The following CDH4 variants were observed in gnomAD, a reference collection of about 807,000 sequenced individuals.
The protein encoded by CDH4 is cadherin-4.
A neutral mutation model predicts 86.0 loss-of-function variants in CDH4; 33 were observed. The ratio of observed to expected loss-of-function variants is 0.38; its 90% CI spans 0.29 to 0.51. The LOEUF (loss-of-function observed/expected upper bound fraction) is 0.51, where lower values mean the gene tolerates loss of function less well. Ranked by LOEUF, CDH4 falls within the 20% of genes least tolerant of loss-of-function variation. The probability of loss-of-function intolerance (pLI) is 0.86; values close to 1 mark genes in which losing one functional copy is unlikely to be tolerated. For missense variants in CDH4, 1,114 were observed against 1,307.4 expected, an observed-to-expected ratio of 0.85 and a Z score of 2.28; for synonymous variants, 555 against 549.4, an observed-to-expected ratio of 1.01 and a Z score of -0.14.
At chr20:61,507,029 G>C (rs1279374220) in intron 2 of CDH4, among the ~76,000 whole-genome samples, 2 of 152,224 alleles carry the variant, frequency 1.3e-5, no homozygotes, top group Admixed American at 6.5e-5. Flanking sequence ...CAACAGTGCA[G>C]CTTCAGTGAA....
In CDH4 at chr20:61,507,981, G is replaced by A. The variant is rs538534804; in HGVS notation, c.170-235582G>A. The stretch of plus-strand genomic sequence containing the variant: ...TTAAAACGCCCATGACCCCACCGCC[G>A]GGAAGACGTCGCTGTCAGGATGGGG... On this transcript the variant is annotated intron_variant, in intron 2 of 15. Coordinates refer to ENST00000614565, the MANE Select transcript of CDH4 (RefSeq NM_001794.5). Among the ~76,000 whole-genome samples the A allele has an allele frequency of 5.3e-5, 8 of 152,324 alleles. No individual in the cohort carries two copies. The South Asian group carries it at 1.0e-3, about 20-fold the overall frequency.
chr20:61,812,113 C>T (rs1980471807), intron 4 of CDH4, among the ~76,000 whole-genome samples: 1 of 151,914 alleles, frequency 6.6e-6, no homozygotes, highest in African/African-American at 2.4e-5. Flanking sequence ...CATCTGCTTC[C>T]AAGGGTGGCT....
intron 6 of CDH4, among the ~76,000 whole-genome samples, chr20:61,864,738 A>AT (rs1983472392): frequency 2.6e-5 from 4 of 152,170 alleles, no homozygotes; most frequent in Non-Finnish European, 5.9e-5. Flanking sequence ...GCAGACCCTT[A>AT]TGAGACAAAC....
At position 61,404,926 on chromosome 20, in the gene CDH4, T is replaced by C. The variant is rs894256695; in HGVS notation, c.169+149989T>C. Among the ~76,000 whole-genome samples, 3 of 152,138 alleles carry C rather than the reference T, an allele frequency of 2.0e-5. No individual in the cohort carries two copies. The East Asian group carries it at 5.8e-4, about 29-fold the overall frequency. ...TTAGCTGGGCATGGTGGCACGTGCC[T>C]GTAGTCCCAGCTATTCACGAGGCTG... On this transcript the variant is annotated intron_variant, in intron 2 of 15. Coordinates refer to ENST00000614565, the MANE Select transcript of CDH4 (RefSeq NM_001794.5).
At chr20:61,892,338 T>C (rs1284966967) in intron 7 of CDH4, among the ~76,000 whole-genome samples, 1 of 152,204 alleles carries the variant, frequency 6.6e-6, no homozygotes, top group Admixed American at 6.5e-5. Flanking sequence ...GCACCTACTC[T>C]GTGTTGGGCC....
At chr20:61,871,970 C>T (rs1983822604) in intron 6 of CDH4, among the ~76,000 whole-genome samples, 1 of 152,196 alleles carries the variant, frequency 6.6e-6, no homozygotes. Flanking sequence ...CTGGGCTTGT[C>T]CTGCCTGGGT....
At chr20:61,863,155 T>A (rs1382945313) in intron 6 of CDH4, among the ~76,000 whole-genome samples, 1 of 152,230 alleles carries the variant, frequency 6.6e-6, no homozygotes. Context: ...ATGGCAGCGT[T>A]GGTACATGAA....
chr20:61,260,609 T>G (rs2082220210), intron 2 of CDH4, among the ~76,000 whole-genome samples: 1 of 152,168 alleles, frequency 6.6e-6, no homozygotes, highest in South Asian at 2.1e-4. Flanking sequence ...GCCCAGACTT[T>G]CTTGCTGTCA....
intron 6 of CDH4, among the ~76,000 whole-genome samples, chr20:61,871,369 C>T (rs1285604636): frequency 6.6e-6 from 1 of 152,154 alleles, no homozygotes; most frequent in Non-Finnish European, 1.5e-5. Flanking sequence ...CTCATTGCCA[C>T]ATTGAAAGTT....
chr20:61,454,550 A>G (rs928509805), intron 2 of CDH4, among the ~76,000 whole-genome samples: 1 of 152,194 alleles, frequency 6.6e-6, no homozygotes, highest in Non-Finnish European at 1.5e-5. Context: ...GGTTCACGCC[A>G]TTCTCCTGCC....
At chr20:61,594,907 T>TGTG (rs1490518014) in intron 2 of CDH4, among the ~76,000 whole-genome samples, 26 of 152,230 alleles carry the variant, frequency 1.7e-4, no homozygotes, top group Non-Finnish European at 1.5e-5. Flanking sequence ...AAGTCCTCAG[T>TGTG]GTGGCCATTT....
chr20:61,338,630 A>T (rs904163919), intron 2 of CDH4, among the ~76,000 whole-genome samples: 1 of 152,192 alleles, frequency 6.6e-6, no homozygotes, highest in African/African-American at 2.4e-5. Flanking sequence ...CTCCAGACTA[A>T]GTTGCTCCCT....
intron 2 of CDH4, among the ~76,000 whole-genome samples, chr20:61,425,911 G>C (rs560581396): frequency 6.6e-6 from 1 of 152,126 alleles, no homozygotes; most frequent in African/African-American, 2.4e-5. Context: ...CCCGCCCAGG[G>C]CAGGATGGCC....
intron 2 of CDH4, among the ~76,000 whole-genome samples, chr20:61,438,690 T>C (rs909172323): frequency 1.9e-4 from 29 of 152,216 alleles, no homozygotes; most frequent in South Asian, 4.1e-4. Context: ...TGAAAAGGCA[T>C]ATTCTGTACT....
rs1489479536 is a variant in CDH4 at position 61,708,581 on chromosome 20, C to T, written c.170-34982C>T. 1.3e-5 allele frequency among the ~76,000 whole-genome samples: 2 copies of T among 152,152 alleles called. No homozygotes were observed. Among genetic ancestry groups the T allele is most frequent in the African/African-American group, 4.8e-5 (2 of 41,440 alleles). On this transcript the variant is annotated intron_variant, in intron 2 of 15. Transcript: ENST00000614565. This position sits in a 1 kb window ranked among gnomAD's most constrained non-coding sequence, Gnocchi z 4.5. ...TGCCCCCCACTTCCCCAGCCCTGCT[C>T]CCTCCAGCCTCATGCCCCTTGTAGA...
At chr20:61,603,414 G>A (rs2086618514) in intron 2 of CDH4, among the ~76,000 whole-genome samples, 2 of 152,184 alleles carry the variant, frequency 1.3e-5, no homozygotes, top group Admixed American at 6.5e-5. Context: ...GACAGATCTG[G>A]ACGAGGAGAC....
chr20:61,679,229 TC>T (rs1169593289), intron 2 of CDH4, among the ~76,000 whole-genome samples: 1 of 152,170 alleles, frequency 6.6e-6, no homozygotes, highest in Non-Finnish European at 1.5e-5. Context: ...CTTCCTTTCC[TC>T]CATAAAACAC....
chr20:61,426,267 T>C (rs1407073419), intron 2 of CDH4, among the ~76,000 whole-genome samples: 1 of 152,168 alleles, frequency 6.6e-6, no homozygotes, highest in Non-Finnish European at 1.5e-5. Flanking sequence ...GATAAAAATT[T>C]TGCTTGGAAA....
chr20:61,906,765 T>TG (rs1352910490), intron 8 of CDH4, among the ~76,000 whole-genome samples: 1 of 150,172 alleles, frequency 6.7e-6, no homozygotes, highest in Non-Finnish European at 1.5e-5. Flanking sequence ...CAGGCTGCTT[T>TG]GGGGCAAGAC....
Sources: gnomAD v4.1 joint callset for allele counts (sites outside exome capture counted in the v4.1 genomes callset) on GRCh38, gnomAD v4.1.1 for gene constraint, Gnocchi (gnomAD v3.1) non-coding constraint, MANE v1.5 for transcripts, NCBI Gene and HGNC (gene_info 2026-07-23, HGNC 2026-07-21) for gene names.